PCDH11X: variants seen among roughly 807,000 people sequenced by gnomAD.
PCDH11X encodes protocadherin-11 X-linked.
A neutral mutation model predicts 53.3 loss-of-function variants in PCDH11X; 18 were observed. The ratio of observed to expected loss-of-function variants is 0.34; its 90% CI spans 0.23 to 0.50. PCDH11X has a LOEUF of 0.50. PCDH11X is among the 20% of genes least tolerant of loss of function. The pLI, the probability that PCDH11X is intolerant of heterozygous loss-of-function variation, is 0.98. For missense variants in PCDH11X, 570 were observed against 1,032.4 expected, an observed-to-expected ratio of 0.55 and a Z score of 6.14; for synonymous variants, 279 against 393.3, an observed-to-expected ratio of 0.71 and a Z score of 3.44.
chrX:91,779,870 C>G (rs1401599178), intron 1 of PCDH11X, among the ~76,000 whole-genome samples, 186 bp downstream of exon 1: 1 of 110,631 alleles, frequency 9.0e-6, no homozygotes, highest in Non-Finnish European at 1.9e-5. Context: ...AAAGAGCAAA[C>G]CCCGGAGGTG....
In PCDH11X at chrX:91,878,970, T is replaced by A; in HGVS notation, c.2730T>A (p.Asp910Glu). The A allele has an allele frequency of 8.3e-7, 1 of 1,211,617 alleles. No homozygotes were observed. The highest frequency in any genetic ancestry group is 1.1e-6 in the Non-Finnish European group (1 of 895,441). Reference protein sequence around the residue: ...GNRVTLDLPIDLEEQTMGKYN... With the variant: ...GNRVTLDLPIELEEQTMGKYN... ...GAGTCACACTAGACCTTCCTATTGATCTAGAAGAGCAAACAATGGGAAAGT... is the reference window on the plus strand; with the variant it reads ...GAGTCACACTAGACCTTCCTATTGAACTAGAAGAGCAAACAATGGGAAAGT... Residue 910 changes from aspartate to glutamate, a missense_variant, in exon 6 of 11, where the codon GAT becomes GAA. Asp to Glu is a conservative substitution (Grantham distance 45, BLOSUM62 2). Transcript: ENST00000682573.
intron 6 of PCDH11X, among the ~76,000 whole-genome samples, chrX:92,051,551 A>G (rs1341466873): frequency 9.0e-6 from 1 of 111,478 alleles, no homozygotes; most frequent in African/African-American, 3.3e-5. Flanking sequence ...TTATATTCTT[A>G]TTTCTACAGT....
At chrX:92,611,771 A>G (rs1365058279) in intron 10 of PCDH11X, among the ~76,000 whole-genome samples, 2 of 104,055 alleles carry the variant, frequency 1.9e-5, no homozygotes, top group African/African-American at 7.1e-5. Context: ...CTAATATATG[A>G]AAGTTTTTAT....
intron 10 of PCDH11X, among the ~76,000 whole-genome samples, chrX:92,610,894 T>C (rs1927296073): frequency 9.0e-6 from 1 of 111,406 alleles, no homozygotes; most frequent in African/African-American, 3.3e-5. Context: ...TGTCAAATAT[T>C]AGATGGCTGT....
chrX:92,119,072 ATTAT>A (rs1347444453), intron 6 of PCDH11X, among the ~76,000 whole-genome samples: 4 of 108,739 alleles, frequency 3.7e-5, no homozygotes, highest in African/African-American at 6.7e-5. Flanking sequence ...AATCTGATAA[ATTAT>A]TTATTTATTT....
intron 6 of PCDH11X, among the ~76,000 whole-genome samples, chrX:91,957,577 A>C (rs960052077): frequency 2.8e-5 from 3 of 108,670 alleles, no homozygotes; most frequent in Non-Finnish European, 5.7e-5. Context: ...AGTTTCTCCC[A>C]TACCTGGAAG....
intron 6 of PCDH11X, among the ~76,000 whole-genome samples, chrX:92,190,515 C>A (rs2066176274): frequency 8.9e-6 from 1 of 111,811 alleles, no homozygotes; most frequent in Admixed American, 9.6e-5. Context: ...CCCTGCACCC[C>A]AGGCAGTGCT....
At chrX:92,584,140 A>G (rs1602387318) in intron 10 of PCDH11X, among the ~76,000 whole-genome samples, 1 of 110,754 alleles carries the variant, frequency 9.0e-6, no homozygotes, top group East Asian at 2.8e-4. Flanking sequence ...CAGTGTCCAG[A>G]GTAAATATTA....
At chrX:91,864,507 C>T (rs1309084295) in intron 5 of PCDH11X, among the ~76,000 whole-genome samples, 1 of 97,761 alleles carries the variant, frequency 1.0e-5, no homozygotes, top group East Asian at 3.1e-4. Context: ...ATTAAATCTT[C>T]TTGGTGTAAA....
At chrX:92,050,316 GA>G (rs1186070932) in intron 6 of PCDH11X, among the ~76,000 whole-genome samples, 1 of 101,778 alleles carries the variant, frequency 9.8e-6, no homozygotes, top group Non-Finnish European at 2.0e-5. Flanking sequence ...GATGTAAATT[GA>G]AGGTTTTTTG....
At chrX:91,913,452 T>G (rs1225080494) in intron 6 of PCDH11X, among the ~76,000 whole-genome samples, 4 of 110,946 alleles carry the variant, frequency 3.6e-5, no homozygotes, top group Non-Finnish European at 5.7e-5. Context: ...ACTTCCCTGG[T>G]GAGCTATACT....
chrX:92,039,619 C>A (rs962503370), intron 6 of PCDH11X, among the ~76,000 whole-genome samples: 104 of 111,438 alleles, frequency 9.3e-4, no homozygotes, highest in Non-Finnish European at 1.8e-3. Flanking sequence ...GAAGTGGGCT[C>A]CCCTCTGGCC....
At chrX:92,014,253 A>T (rs2147986450) in intron 6 of PCDH11X, among the ~76,000 whole-genome samples, 1 of 111,927 alleles carries the variant, frequency 8.9e-6, no homozygotes, top group South Asian at 3.8e-4. Flanking sequence ...TCAAAAGAAG[A>T]CATTTATGCA....
chrX:92,060,393 A>G (rs1483975965), intron 6 of PCDH11X, among the ~76,000 whole-genome samples: 3 of 100,551 alleles, frequency 3.0e-5, no homozygotes, highest in Non-Finnish European at 6.0e-5. Context: ...GGCAAATTGC[A>G]TGTTACAGGA....
At chrX:92,205,085 G>A (rs995790992) in intron 7 of PCDH11X, among the ~76,000 whole-genome samples, 1 of 111,662 alleles carries the variant, frequency 9.0e-6, no homozygotes, top group Non-Finnish European at 1.9e-5. Context: ...GGCTATTATC[G>A]TCTTTGTTTT....
chrX:92,044,043 T>C (rs919145252), intron 6 of PCDH11X, among the ~76,000 whole-genome samples: 2 of 111,373 alleles, frequency 1.8e-5, no homozygotes, highest in African/African-American at 6.5e-5. Context: ...GTGAAATTCA[T>C]TGAGAGTTCA....
At chrX:92,151,629 A>T (rs1400978890) in intron 6 of PCDH11X, among the ~76,000 whole-genome samples, 3 of 107,481 alleles carry the variant, frequency 2.8e-5, no homozygotes, top group Non-Finnish European at 5.6e-5. Context: ...TTAAAATTAT[A>T]ATCTATCTTA....
At chrX:92,156,426 G>A (rs1156728991) in intron 6 of PCDH11X, among the ~76,000 whole-genome samples, 1 of 111,309 alleles carries the variant, frequency 9.0e-6, no homozygotes, top group Non-Finnish European at 1.9e-5. Flanking sequence ...GGTCTTCCCT[G>A]ACCGTCCTGT....
rs934108215 is a variant in PCDH11X at position 92,097,331 on chromosome X, G to T, written c.3034-104044G>T. Among the ~76,000 whole-genome samples the T allele has an allele frequency of 4.6e-5, 5 of 107,672 alleles. No homozygotes were observed. The Admixed American group carries it at 5.1e-4, about 11-fold the overall frequency. The allele number at this position is 107,672 out of a possible 115,157, so 93.5% of individuals were successfully genotyped here. On this transcript the variant is annotated intron_variant, in intron 6 of 10. Coordinates refer to ENST00000682573, the MANE Select transcript of PCDH11X (RefSeq NM_032968.5). ...GGAGGTTGAGATGGAAGGATTGCTTGAGCCCAGGATGTCATGGCTGCCTTG... is the reference window on the plus strand; with the variant it reads ...GGAGGTTGAGATGGAAGGATTGCTTTAGCCCAGGATGTCATGGCTGCCTTG...
Sources: gnomAD v4.1 joint callset for allele counts (sites outside exome capture counted in the v4.1 genomes callset) on GRCh38, gnomAD v4.1.1 for gene constraint, MANE v1.5 for transcripts, NCBI Gene and HGNC (gene_info 2026-07-23, HGNC 2026-07-21) for gene names.